COLGALT2: variants seen among roughly 807,000 people sequenced by gnomAD.
The protein encoded by COLGALT2 is collagen beta(1-O)galactosyltransferase 2.
In COLGALT2, 49 loss-of-function variants were observed where a neutral mutation model predicts 73.4. That is an observed-to-expected ratio of 0.67 (90% CI 0.53 to 0.85). The LOEUF is 0.85. Ranked by LOEUF, COLGALT2 falls within the 40% of genes least tolerant of loss-of-function variation. COLGALT2 has a pLI of 0.00. For missense variants in COLGALT2, 722 were observed against 790.2 expected (o/e 0.91, Z 1.03); for synonymous variants, 295 against 307.6 (o/e 0.96, Z 0.43).
At chr1:183,953,084 A>G (rs888336989) in intron 7 of COLGALT2, among the ~76,000 whole-genome samples, 2 of 152,214 alleles carry the variant, frequency 1.3e-5, no homozygotes, top group Non-Finnish European at 2.9e-5. Context: ...TCAGTAAATA[A>G]CAATCCAGTT....
At chr1:183,992,648 A>C (rs1671661410) in intron 1 of COLGALT2, among the ~76,000 whole-genome samples, 1 of 152,192 alleles carries the variant, frequency 6.6e-6, no homozygotes, top group African/African-American at 2.4e-5. Flanking sequence ...TAGGTTTAAG[A>C]ATCTTTGCTC....
chr1:184,018,429 A>G (rs1649074319), intron 1 of COLGALT2, among the ~76,000 whole-genome samples: 1 of 152,144 alleles, frequency 6.6e-6, no homozygotes, highest in South Asian at 2.1e-4. Flanking sequence ...TCTAGTATTA[A>G]TTGTTCTAAC....
At chr1:183,968,098 C>A (rs1489560238) in intron 5 of COLGALT2, among the ~76,000 whole-genome samples, 1 of 152,174 alleles carries the variant, frequency 6.6e-6, no homozygotes, top group African/African-American at 2.4e-5. Flanking sequence ...CCAGCCACTT[C>A]CTCAGCTGCC....
intron 5 of COLGALT2, among the ~76,000 whole-genome samples, chr1:183,968,539 T>G (rs1185363506): frequency 6.6e-6 from 1 of 151,928 alleles, no homozygotes; most frequent in Non-Finnish European, 1.5e-5. Flanking sequence ...TCTTCTAGAG[T>G]GTGAAAATTG....
intron 2 of COLGALT2, among the ~76,000 whole-genome samples, chr1:183,977,199 C>T (rs1306242212): frequency 2.6e-5 from 4 of 152,040 alleles, no homozygotes; most frequent in South Asian, 4.2e-4. Context: ...TGGCCGGGCA[C>T]GGTGGCTCAC....
intron 1 of COLGALT2, among the ~76,000 whole-genome samples, chr1:184,016,420 G>A (rs1391468166): frequency 6.6e-6 from 1 of 152,196 alleles, no homozygotes; most frequent in Non-Finnish European, 1.5e-5. Flanking sequence ...CAGTGTTAAG[G>A]CTAAACTTCA....
rs1018393971 is a variant in COLGALT2 at position 183,966,755 on chromosome 1, T to A, written c.832+2514A>T. Among the ~76,000 whole-genome samples the A allele has an allele frequency of 3.9e-5, 6 of 152,046 alleles. No homozygotes were observed. The East Asian group carries it at 1.2e-3, about 29-fold the overall frequency. On this transcript the variant is annotated intron_variant, in intron 5 of 11. Transcript: ENST00000361927. ...CCAGATCACTGGCCACAATGGGAGGTGAACTCTTGACCCTGGACTCATTAC... is the reference window on the plus strand; with the variant it reads ...CCAGATCACTGGCCACAATGGGAGGAGAACTCTTGACCCTGGACTCATTAC...
At chr1:183,984,870 T>C (rs2102825080) in intron 1 of COLGALT2, among the ~76,000 whole-genome samples, 1 of 152,296 alleles carries the variant, frequency 6.6e-6, no homozygotes, top group East Asian at 1.9e-4. Flanking sequence ...TCACAGCACA[T>C]GTAGGGATCC....
intron 1 of COLGALT2, among the ~76,000 whole-genome samples, chr1:184,010,333 C>T (rs1011731650): frequency 1.3e-5 from 2 of 152,208 alleles, no homozygotes; most frequent in African/African-American, 4.8e-5. Context: ...ATCTGGCCCA[C>T]AGGCACCTAG....
downstream of COLGALT2, among the ~76,000 whole-genome samples, chr1:183,933,453 CT>C (rs1400847037): frequency 6.6e-6 from 1 of 152,208 alleles, no homozygotes; most frequent in Non-Finnish European, 1.5e-5. Context: ...ATATCATCCC[CT>C]TCAAGTCTTC....
Position 183,973,765 on chromosome 1 carries a change from G to C in COLGALT2, c.493-15C>G, listed in dbSNP as rs1215083419. On this transcript the variant is annotated splice_polypyrimidine_tract_variant and intron_variant, in intron 3 of 11. Coordinates refer to ENST00000361927, the MANE Select transcript of COLGALT2 (RefSeq NM_015101.4). ...ACATCTATGAACTAGGAAAAGAAAA[G>C]GATAATGTTAGGTGAAAAGGTACTT... The C allele has an allele frequency of 6.2e-7, 1 of 1,611,060 alleles. No homozygotes were observed. The highest frequency in any genetic ancestry group is 1.3e-5 in the African/African-American group (1 of 74,786).
chr1:183,982,311 C>T (rs1464261509), intron 1 of COLGALT2, among the ~76,000 whole-genome samples: 2 of 152,160 alleles, frequency 1.3e-5, no homozygotes, highest in Non-Finnish European at 1.5e-5. Context: ...TGGAAGAAGG[C>T]CACAGGCTCC....
chr1:184,018,275 GAA>G (rs5779195), intron 1 of COLGALT2, among the ~76,000 whole-genome samples: 1 of 151,254 alleles, frequency 6.6e-6, no homozygotes, highest in East Asian at 1.9e-4. Context: ...GTTTCAAAAA[GAA>G]AAAAAAAATT....
intron 1 of COLGALT2, among the ~76,000 whole-genome samples, chr1:183,979,103 G>A (rs148988663): frequency 6.6e-5 from 10 of 152,154 alleles, no homozygotes; most frequent in South Asian, 2.1e-4. Flanking sequence ...TTACCATCAC[G>A]TTTACAAAAT....
intron 11 of COLGALT2, among the ~76,000 whole-genome samples, chr1:183,930,515 A>C (rs1463131817): frequency 6.7e-6 from 1 of 150,000 alleles, no homozygotes; most frequent in Admixed American, 6.6e-5. Context: ...CAGCCTCATG[A>C]GTAGCTGGGA....
intron 1 of COLGALT2, among the ~76,000 whole-genome samples, chr1:183,982,585 C>T (rs1671382637): frequency 6.6e-6 from 1 of 152,146 alleles, no homozygotes. Flanking sequence ...ACAGTGTTAG[C>T]CAAAAGCTAT....
At chr1:183,934,852 T>G (rs1669914839), downstream of COLGALT2, among the ~76,000 whole-genome samples, 1 of 152,228 alleles carries the variant, frequency 6.6e-6, no homozygotes, top group South Asian at 2.1e-4. Context: ...GAAGCCTCTG[T>G]ATTATCTGTC....
At chr1:183,979,202 G>C (rs752173722) in intron 1 of COLGALT2, among the ~76,000 whole-genome samples, 2 of 152,050 alleles carry the variant, frequency 1.3e-5, no homozygotes, top group African/African-American at 2.4e-5. Flanking sequence ...ACTTGTAAAA[G>C]GGCCTAACTC....
chr1:184,013,496 G>A (rs1243458804), intron 1 of COLGALT2, among the ~76,000 whole-genome samples: 2 of 152,134 alleles, frequency 1.3e-5, no homozygotes, highest in Non-Finnish European at 2.9e-5. Context: ...ATTTATAAAG[G>A]TCCAGAGGCC....
Sources: allele counts gnomAD v4.1 joint callset (sites outside exome capture counted in the v4.1 genomes callset), GRCh38; gene constraint gnomAD v4.1.1; transcripts MANE v1.5; gene names NCBI Gene and HGNC (gene_info 2026-07-23, HGNC 2026-07-21).